Variants in SORCS2 observed in about 807,000 individuals in gnomAD.
SORCS2 encodes sortilin related VPS10 domain containing receptor 2, also known as VPS10 domain-containing receptor SorCS2.
In SORCS2, 100 loss-of-function variants were observed where a neutral mutation model predicts 141.6. That is an observed-to-expected ratio of 0.71 (90% CI 0.60 to 0.83). The LOEUF is 0.83. Ranked by LOEUF, SORCS2 falls within the 40% of genes least tolerant of loss-of-function variation. The pLI, the probability that SORCS2 is intolerant of heterozygous loss-of-function variation, is 0.00. For missense variants in SORCS2, 1,646 were observed against 1,560.2 expected, an observed-to-expected ratio of 1.05 and a Z score of -0.93; for synonymous variants, 789 against 676.9, an observed-to-expected ratio of 1.17 and a Z score of -2.57.
At chr4:7,609,893 G>T (rs1490741961) in intron 3 of SORCS2, among the ~76,000 whole-genome samples, 1 of 152,248 alleles carries the variant, frequency 6.6e-6, no homozygotes, top group Non-Finnish European at 1.5e-5. Flanking sequence ...CATCTGCCCT[G>T]CACTTTGCAT....
intron 3 of SORCS2, among the ~76,000 whole-genome samples, chr4:7,621,315 T>C (rs1719157415): frequency 6.6e-6 from 1 of 152,164 alleles, no homozygotes; most frequent in African/African-American, 2.4e-5. Context: ...TGTGTGTCTG[T>C]GTATGTGTCT....
chr4:7,243,254 G>A lies in SORCS2; in HGVS notation c.480+50128G>A, dbSNP rs114099419. On this transcript the variant is annotated intron_variant, in intron 1 of 26. Coordinates refer to ENST00000507866, the MANE Select transcript of SORCS2 (RefSeq NM_020777.3). ...GGCAAGGGCTGGATTTAGGAGGTAG[G>A]TTTTGGATTTTGGGCAAAGAAGGGG... is the stretch of plus-strand genomic sequence containing the variant. 4.7e-3 allele frequency among the ~76,000 whole-genome samples: 715 copies of A among 152,298 alleles called. 5 individuals carry two copies. The highest frequency in any genetic ancestry group is 0.016 in the African/African-American group (654 of 41,550).
chr4:7,196,433 C>T (rs879386266), intron 1 of SORCS2, among the ~76,000 whole-genome samples: 6 of 152,162 alleles, frequency 3.9e-5, no homozygotes, highest in Non-Finnish European at 5.9e-5. Context: ...TCTGGGAAAT[C>T]GTGGGCTTAT....
At chr4:7,660,503 C>G (rs1722089321) in intron 5 of SORCS2, among the ~76,000 whole-genome samples, 1 of 152,210 alleles carries the variant, frequency 6.6e-6, no homozygotes, top group Non-Finnish European at 1.5e-5. Context: ...GGGACCACCC[C>G]CAAAGGAGGC....
chr4:7,651,722 C>G (rs1721458897), intron 4 of SORCS2, among the ~76,000 whole-genome samples: 2 of 152,212 alleles, frequency 1.3e-5, no homozygotes, highest in African/African-American at 4.8e-5. Context: ...CCTCCGCACC[C>G]TCCCCCTAGC....
chr4:7,334,961 G>C (rs115558137), intron 1 of SORCS2, among the ~76,000 whole-genome samples: 1 of 152,130 alleles, frequency 6.6e-6, no homozygotes, highest in Non-Finnish European at 1.5e-5. Flanking sequence ...GACGGGTGTG[G>C]AGGGAGGGAG....
chr4:7,737,285 GCTGGCCC>G, intron 26 of SORCS2, 113 bp downstream of exon 26: 2 of 1,452,756 alleles, frequency 1.4e-6, no homozygotes, highest in Non-Finnish European at 1.8e-6. Context: ...CCAGCAAAAC[GCTGGCCC>G]AGCAGCCCTT....
chr4:7,408,021 C>T (rs1725080512), intron 2 of SORCS2, among the ~76,000 whole-genome samples: 1 of 152,012 alleles, frequency 6.6e-6, no homozygotes, highest in Non-Finnish European at 1.5e-5. Flanking sequence ...TTCTATATTA[C>T]CTATTTCTCA....
intron 2 of SORCS2, among the ~76,000 whole-genome samples, chr4:7,523,990 G>A (rs1232131101): frequency 6.6e-6 from 1 of 152,202 alleles, no homozygotes; most frequent in Non-Finnish European, 1.5e-5. Flanking sequence ...AAAACCAGGA[G>A]CTCCCCAGGG....
At chr4:7,437,792 G>A (rs1157718093) in intron 2 of SORCS2, among the ~76,000 whole-genome samples, 14 of 152,154 alleles carry the variant, frequency 9.2e-5, no homozygotes, top group African/African-American at 3.4e-4. Context: ...AGGCACTCCC[G>A]AGTACCTTTG....
At chr4:7,519,138 G>A (rs1733166400) in intron 2 of SORCS2, among the ~76,000 whole-genome samples, 1 of 152,316 alleles carries the variant, frequency 6.6e-6, no homozygotes, top group East Asian at 1.9e-4. Flanking sequence ...ATCTGCTGGA[G>A]GTTGACAAGG....
In SORCS2 at chr4:7,216,066, G is replaced by A. The variant is rs576010488; in HGVS notation, c.480+22940G>A. ...CTTTGGGTCCACACTGCTTTTATGA[G>A]CTGTAACACTCACCACGAAGGTCTG... is the stretch of plus-strand genomic sequence containing the variant. On this transcript the variant is annotated intron_variant, in intron 1 of 26. Transcript: ENST00000507866. Among the ~76,000 whole-genome samples, 10 of 152,324 alleles carry A rather than the reference G, an allele frequency of 6.6e-5. No homozygotes were observed. The South Asian group carries it at 1.9e-3, about 28-fold the overall frequency.
intron 2 of SORCS2, among the ~76,000 whole-genome samples, chr4:7,422,747 C>T (rs115067229): frequency 1.3e-3 from 200 of 152,280 alleles, no homozygotes; most frequent in African/African-American, 4.0e-3. Context: ...CTCGCCTGGA[C>T]GCCACAACCC....
intron 2 of SORCS2, among the ~76,000 whole-genome samples, chr4:7,513,740 G>A (rs1335115946): frequency 6.6e-6 from 1 of 152,190 alleles, no homozygotes; most frequent in African/African-American, 2.4e-5. Flanking sequence ...CTAAATGACA[G>A]CCTTCCTTGG....
intron 1 of SORCS2, among the ~76,000 whole-genome samples, chr4:7,302,616 G>T (rs573305928): frequency 4.6e-4 from 70 of 152,192 alleles, no homozygotes; most frequent in African/African-American, 1.7e-3. Context: ...TTTCTCCATG[G>T]CAATGACCAC....
intron 1 of SORCS2, among the ~76,000 whole-genome samples, chr4:7,383,364 A>G (rs1280557771): frequency 6.6e-6 from 1 of 152,192 alleles, no homozygotes; most frequent in Non-Finnish European, 1.5e-5. Flanking sequence ...GGATGCAGAC[A>G]GTGACTTCTT....
rs775828509 is a variant in SORCS2 at position 7,450,892 on chromosome 4, ATGAG to A, written c.548+54542_548+54545del. ...AACGCATGAGTGACTGAGTGGGTGA[ATGAG>A]TGAGGGAGTGAATGAATGAATGAGG... On this transcript the variant is annotated intron_variant, in intron 2 of 26. Coordinates refer to ENST00000507866, the MANE Select transcript of SORCS2 (RefSeq NM_020777.3). Among the ~76,000 whole-genome samples the A allele has an allele frequency of 1.9e-3, 286 of 151,974 alleles. 3 individuals are homozygous for A. The highest frequency in any genetic ancestry group is 2.7e-3 in the South Asian group (13 of 4,800).
chr4:7,489,636 G>A (rs866806261), intron 2 of SORCS2, among the ~76,000 whole-genome samples: 2 of 152,274 alleles, frequency 1.3e-5, no homozygotes, highest in Middle Eastern at 6.8e-3. Flanking sequence ...GTTATTTAGA[G>A]TTTGAAAATC....
At chr4:7,566,815 A>T (rs911199883) in intron 3 of SORCS2, among the ~76,000 whole-genome samples, 3 of 149,252 alleles carry the variant, frequency 2.0e-5, no homozygotes, top group Admixed American at 1.3e-4. Flanking sequence ...AATGCTTACA[A>T]CTGGCTAGAG....
Sources: allele counts gnomAD v4.1 joint callset (sites outside exome capture counted in the v4.1 genomes callset), GRCh38; gene constraint gnomAD v4.1.1; transcripts MANE v1.5; gene names NCBI Gene and HGNC (gene_info 2026-07-23, HGNC 2026-07-21).